The following KLHL32 variants were observed in gnomAD, a reference collection of about 807,000 sequenced individuals.
KLHL32 encodes the protein kelch-like protein 32.
KLHL32 carries 35 observed loss-of-function variants against 64.8 expected under a neutral mutation model. The observed-to-expected ratio is 0.54, with a 90% CI of 0.41 to 0.72. The LOEUF (loss-of-function observed/expected upper bound fraction) is 0.72, where lower values mean the gene tolerates loss of function less well. KLHL32 is among the 30% of genes least tolerant of loss of function. The probability of loss-of-function intolerance (pLI) is 0.00; values close to 1 mark genes in which losing one functional copy is unlikely to be tolerated. For missense variants in KLHL32, 589 were observed against 768.5 expected, an observed-to-expected ratio of 0.77 and a Z score of 2.76; for synonymous variants, 259 against 281.0, an observed-to-expected ratio of 0.92 and a Z score of 0.78.
In KLHL32 at chr6:97,070,224, A is replaced by G. The variant is rs1008779636; in HGVS notation, c.411+5498A>G. 5.3e-5 allele frequency among the ~76,000 whole-genome samples: 8 copies of G among 152,214 alleles called. No homozygotes were observed. In the East Asian group the frequency reaches 1.5e-3, roughly 29 times the overall value. ...TTAAAGTACAAAGTTTGGAAAACATATTACAAGTGGTTTAATCTTTTGGAT... is the reference window on the plus strand; with the variant it reads ...TTAAAGTACAAAGTTTGGAAAACATGTTACAAGTGGTTTAATCTTTTGGAT... On this transcript the variant is annotated intron_variant, in intron 5 of 10. Coordinates refer to ENST00000369261, the MANE Select transcript of KLHL32 (RefSeq NM_052904.4).
At chr6:97,012,363 T>G (rs1284010233) in intron 3 of KLHL32, among the ~76,000 whole-genome samples, 1 of 152,110 alleles carries the variant, frequency 6.6e-6, no homozygotes, top group Non-Finnish European at 1.5e-5. Flanking sequence ...AAGCAGAGGT[T>G]GGAGTGATGT....
the KLHL32 span, among the ~76,000 whole-genome samples, chr6:96,904,209 G>A: frequency 6.6e-6 from 1 of 151,888 alleles, no homozygotes; most frequent in Non-Finnish European, 1.5e-5. Flanking sequence ...AGGCATGATG[G>A]TGCACATCGA....
intron 4 of KLHL32, among the ~76,000 whole-genome samples, chr6:97,060,691 C>G (rs1237696957): frequency 1.3e-5 from 2 of 152,098 alleles, no homozygotes; most frequent in East Asian, 1.9e-4. Flanking sequence ...GATTGGTGAC[C>G]AGAGGACATG....
At chr6:96,900,943 A>C in the KLHL32 span, among the ~76,000 whole-genome samples, 4 of 152,216 alleles carry the variant, frequency 2.6e-5, no homozygotes. Context: ...AAGGTTCCCA[A>C]GTTTGGCCAA....
intron 6 of KLHL32, among the ~76,000 whole-genome samples, chr6:97,093,266 A>G (rs1794523151): frequency 6.6e-6 from 1 of 152,214 alleles, no homozygotes; most frequent in South Asian, 2.1e-4. Context: ...AATACCAACA[A>G]TAATAATTCT....
chr6:96,991,791 C>T (rs1344861531), intron 3 of KLHL32, among the ~76,000 whole-genome samples: 6 of 152,026 alleles, frequency 3.9e-5, no homozygotes, highest in South Asian at 4.1e-4. Flanking sequence ...GAGCTGCTAC[C>T]GCGGAGAGCC....
intron 6 of KLHL32, among the ~76,000 whole-genome samples, chr6:97,113,005 G>A (rs1797363411): frequency 6.7e-6 from 1 of 149,324 alleles, no homozygotes; most frequent in South Asian, 2.2e-4. Flanking sequence ...GATCTGAAAG[G>A]AATAAAAAGG....
chr6:97,113,754 T>A, intron 6 of KLHL32, 29 bp from the exon 7 acceptor site: 1 of 1,597,116 alleles, frequency 6.3e-7, no homozygotes, highest in Non-Finnish European at 8.6e-7. Context: ...CCTTTGTGTC[T>A]CCTCTCATCT....
chr6:97,007,854 C>T (rs1371929518), intron 3 of KLHL32, among the ~76,000 whole-genome samples: 1 of 152,180 alleles, frequency 6.6e-6, no homozygotes, highest in Non-Finnish European at 1.5e-5. Context: ...GAACCTGCTG[C>T]ACTGGAGGGG....
chr6:96,984,786 TC>T (rs1401935293), intron 3 of KLHL32, among the ~76,000 whole-genome samples: 1 of 152,220 alleles, frequency 6.6e-6, no homozygotes, highest in African/African-American at 2.4e-5. Flanking sequence ...GAGATGGGTT[TC>T]CTGAATACAG....
intron 4 of KLHL32, among the ~76,000 whole-genome samples, chr6:97,056,623 A>G (rs935918719): frequency 1.3e-5 from 2 of 152,208 alleles, no homozygotes; most frequent in East Asian, 1.9e-4. Flanking sequence ...GGTATTGACA[A>G]ATAACTTGCT....
At chr6:96,915,393 T>C in the KLHL32 span, among the ~76,000 whole-genome samples, 1 of 152,082 alleles carries the variant, frequency 6.6e-6, no homozygotes, top group Non-Finnish European at 1.5e-5. Flanking sequence ...CACAACCTAA[T>C]GAAAGACACT....
Position 97,140,035 on chromosome 6 carries a change from T to TAAG in KLHL32, c.*754_*756dup, listed in dbSNP as rs1312117744. 3.3e-5 allele frequency: 5 copies of TAAG among 152,164 alleles called. No individual in the cohort carries two copies. Among genetic ancestry groups the TAAG allele is most frequent in the African/African-American group, 1.2e-4 (5 of 41,462 alleles). 9.4% of individuals were successfully genotyped at this position (152,164 alleles called of 1,614,324 possible). On this transcript the variant is annotated 3_prime_UTR_variant, in exon 11 of 11. Transcript: ENST00000369261. ...AAGAAAAATGTTGTTACTGAAATTATAAGGTATTTTATTGTCTTTAGAACC... is the reference window on the plus strand; with the variant it reads ...AAGAAAAATGTTGTTACTGAAATTATAAGAAGGTATTTTATTGTCTTTAGAACC...
chr6:97,094,383 C>T (rs1794678232), intron 6 of KLHL32, among the ~76,000 whole-genome samples: 1 of 152,206 alleles, frequency 6.6e-6, no homozygotes, highest in Admixed American at 6.5e-5. Flanking sequence ...CTTAGAAGTG[C>T]TTCTCCCACC....
the KLHL32 span, among the ~76,000 whole-genome samples, chr6:96,909,573 T>G: frequency 6.6e-6 from 1 of 152,342 alleles, no homozygotes; most frequent in East Asian, 1.9e-4. Flanking sequence ...ATGGACAAGC[T>G]GAGCAGAAAC....
At chr6:97,023,637 C>G (rs1222106331) in intron 3 of KLHL32, among the ~76,000 whole-genome samples, 1 of 152,148 alleles carries the variant, frequency 6.6e-6, no homozygotes, top group Non-Finnish European at 1.5e-5. Context: ...TGGATGCATA[C>G]TGCTGAAATG....
chr6:97,116,023 GATAGTCACAGGCTCA>G (rs1287537500), intron 7 of KLHL32, among the ~76,000 whole-genome samples: 7 of 152,170 alleles, frequency 4.6e-5, no homozygotes, highest in South Asian at 2.1e-4. Flanking sequence ...TAACCAGGAA[GATAGTCACAGGCTCA>G]GCTTCTCTGA....
At chr6:97,126,968 A>T (rs1260006960) in intron 7 of KLHL32, among the ~76,000 whole-genome samples, 3 of 152,216 alleles carry the variant, frequency 2.0e-5, no homozygotes, top group Non-Finnish European at 4.4e-5. Flanking sequence ...ATCAAGAGAT[A>T]TCAAGATATC....
chr6:97,118,112 G>A (rs1228605235), intron 7 of KLHL32, among the ~76,000 whole-genome samples: 1 of 152,026 alleles, frequency 6.6e-6, no homozygotes, highest in Non-Finnish European at 1.5e-5. Flanking sequence ...CATTTGTTAA[G>A]GCTTAACTCC....
Sources: gnomAD v4.1 joint callset for allele counts (sites outside exome capture counted in the v4.1 genomes callset) on GRCh38, gnomAD v4.1.1 for gene constraint, MANE v1.5 for transcripts, NCBI Gene and HGNC (gene_info 2026-07-23, HGNC 2026-07-21) for gene names.